The following KLHL29 variants were observed in gnomAD, a reference collection of about 807,000 sequenced individuals.
KLHL29 encodes the protein kelch like family member 29.
KLHL29 carries 21 observed loss-of-function variants against 80.4 expected under a neutral mutation model. The observed-to-expected ratio is 0.26, with a 90% CI of 0.19 to 0.38. The LOEUF (loss-of-function observed/expected upper bound fraction) is 0.38. Ranked by LOEUF, KLHL29 falls within the 10% of genes least tolerant of loss-of-function variation. The probability of loss-of-function intolerance (pLI) is 1.00; values close to 1 mark genes in which losing one functional copy is unlikely to be tolerated. For synonymous variants in KLHL29, 511 were observed against 526.8 expected, an observed-to-expected ratio of 0.97 and a Z score of 0.41; for missense variants, 867 against 1,223.9, an observed-to-expected ratio of 0.71 and a Z score of 4.35.
chr2:23,389,232 A>C (rs2103380904), intron 1 of KLHL29, among the ~76,000 whole-genome samples: 1 of 152,270 alleles, frequency 6.6e-6, no homozygotes. Flanking sequence ...AAGTCCACTG[A>C]ACAGGCAGTT....
At chr2:23,563,766 G>A (rs1258922890) in intron 3 of KLHL29, among the ~76,000 whole-genome samples, 1 of 152,224 alleles carries the variant, frequency 6.6e-6, no homozygotes, top group Non-Finnish European at 1.5e-5. Flanking sequence ...ATTGGAGGCT[G>A]GCTCGGAGCG....
chr2:23,691,557 C>T (rs1279398082), intron 6 of KLHL29, 117 bp from the exon 7 acceptor site: 1 of 773,124 alleles, frequency 1.3e-6, no homozygotes, highest in South Asian at 1.7e-5. Flanking sequence ...ATTGCCGTGT[C>T]CTTTGAGCCC....
chr2:23,591,556 C>T (rs111974984), intron 3 of KLHL29, among the ~76,000 whole-genome samples: 171 of 151,938 alleles, frequency 1.1e-3, no homozygotes, highest in African/African-American at 4.0e-3. Flanking sequence ...CCTTACCCCC[C>T]ACAGCCAGTG....
chr2:23,404,302 G>C (rs980150685), intron 1 of KLHL29, among the ~76,000 whole-genome samples: 4 of 152,010 alleles, frequency 2.6e-5, no homozygotes, highest in African/African-American at 7.2e-5. Flanking sequence ...TTAGCAAATC[G>C]TACAAAAATT....
chr2:23,482,550 C>A (rs529921098), intron 2 of KLHL29, among the ~76,000 whole-genome samples: 2 of 152,332 alleles, frequency 1.3e-5, no homozygotes, highest in South Asian at 2.1e-4. Flanking sequence ...ATGTGTGCAT[C>A]CTGCTCAGGG....
intron 2 of KLHL29, among the ~76,000 whole-genome samples, chr2:23,480,860 C>T (rs566195382): frequency 6.6e-6 from 1 of 152,296 alleles, no homozygotes; most frequent in African/African-American, 2.4e-5. Context: ...CAACAGTGCA[C>T]CCTCGTTTAG....
intron 1 of KLHL29, among the ~76,000 whole-genome samples, chr2:23,404,041 G>A (rs868093328): frequency 1.3e-5 from 2 of 152,206 alleles, no homozygotes; most frequent in Admixed American, 6.5e-5. Context: ...GAGGCTGTAA[G>A]TGTACAGAGA....
chr2:23,498,576 G>C (rs1441438724), intron 2 of KLHL29, among the ~76,000 whole-genome samples: 1 of 152,208 alleles, frequency 6.6e-6, no homozygotes, highest in African/African-American at 2.4e-5. Context: ...ACTTAGTCCT[G>C]CCCTGACCAA....
intron 3 of KLHL29, among the ~76,000 whole-genome samples, chr2:23,619,920 G>A (rs1669126000): frequency 6.6e-6 from 1 of 152,202 alleles, no homozygotes; most frequent in South Asian, 2.1e-4. Flanking sequence ...GTATGGGGTT[G>A]AGCAAATAGG....
At chr2:23,435,091 G>A (rs1185334251) in intron 1 of KLHL29, among the ~76,000 whole-genome samples, 1 of 152,226 alleles carries the variant, frequency 6.6e-6, no homozygotes, top group Non-Finnish European at 1.5e-5. Context: ...GGTGTGATGG[G>A]GGTGAGGAGG....
At chr2:23,421,784 TCATA>T (rs1048743749) in intron 1 of KLHL29, among the ~76,000 whole-genome samples, 3 of 150,928 alleles carry the variant, frequency 2.0e-5, no homozygotes, top group Non-Finnish European at 4.4e-5. Flanking sequence ...GCATATGTGT[TCATA>T]CATCTGTGTG....
intron 13 of KLHL29, among the ~76,000 whole-genome samples, chr2:23,704,195 G>A (rs1235088514): frequency 6.6e-6 from 1 of 152,232 alleles, no homozygotes; most frequent in Non-Finnish European, 1.5e-5. Context: ...CAGACAGAAG[G>A]CAGTGCCAGG....
At position 23,684,372 on chromosome 2, in the gene KLHL29, G is replaced by T; in HGVS notation, c.941-27G>T. 8.6e-6 allele frequency: 12 copies of T among 1,396,332 alleles called. No homozygotes were observed. The highest frequency in any genetic ancestry group is 1.1e-5 in the Non-Finnish European group (12 of 1,067,294). The allele number at this position is 1,396,332 out of a possible 1,614,324, so 86.5% of individuals were successfully genotyped here. A position where few individuals can be genotyped will look rare whatever the true frequency, so the allele number is the denominator to read the frequency against. ...AAAAAAAACTCTTAATGGGAACCTG[G>T]CCCTGTCTGTCTTCTCTGTTCTGCA... On this transcript the variant is annotated intron_variant, in intron 5 of 13. Transcript: ENST00000486442. The surrounding 1 kb of genome is among the most constrained non-coding windows in gnomAD (Gnocchi z 4.4).
chr2:23,517,885 G>A (rs1558369241), intron 2 of KLHL29, among the ~76,000 whole-genome samples: 1 of 152,148 alleles, frequency 6.6e-6, no homozygotes, highest in Non-Finnish European at 1.5e-5. Context: ...GAGCCTTGTG[G>A]GGTTAATGAG....
intron 13 of KLHL29, among the ~76,000 whole-genome samples, chr2:23,706,090 T>C (rs905587506): frequency 3.8e-4 from 58 of 152,168 alleles, no homozygotes; most frequent in Non-Finnish European, 7.9e-4. Context: ...TTCTCTCTCG[T>C]CATTCTTGTG....
At chr2:23,701,793 CTTTTTTTTTTT>C (rs70941586) in intron 11 of KLHL29, among the ~76,000 whole-genome samples, 2 of 22,544 alleles carry the variant, frequency 8.9e-5, no homozygotes, top group African/African-American at 2.4e-4. Context: ...CTTTTTTTTG[CTTTTTTTTTTT>C]TTTTTTTTTT....
At chr2:23,586,257 G>A (rs149610071) in intron 3 of KLHL29, among the ~76,000 whole-genome samples, 40 of 151,928 alleles carry the variant, frequency 2.6e-4, no homozygotes, top group African/African-American at 9.4e-4. Flanking sequence ...AAGGCTGTGG[G>A]ACCATCACCA....
At chr2:23,644,782 G>A (rs1453291609) in intron 5 of KLHL29, among the ~76,000 whole-genome samples, 1 of 152,248 alleles carries the variant, frequency 6.6e-6, no homozygotes, top group Non-Finnish European at 1.5e-5. Flanking sequence ...CAAGAAATAG[G>A]GGCCCTGCTA....
At chr2:23,598,069 G>A (rs1031750543) in intron 3 of KLHL29, among the ~76,000 whole-genome samples, 4 of 152,196 alleles carry the variant, frequency 2.6e-5, no homozygotes, top group African/African-American at 9.7e-5. Context: ...TGAAGTTCAA[G>A]GGTTTGGAAA....
Sources: allele counts gnomAD v4.1 joint callset (sites outside exome capture counted in the v4.1 genomes callset), GRCh38; gene constraint gnomAD v4.1.1; non-coding constraint Gnocchi (gnomAD v3.1); transcripts MANE v1.5; gene names NCBI Gene and HGNC (gene_info 2026-07-23, HGNC 2026-07-21).